Variants in PROS1 observed in about 807,000 individuals in gnomAD.
PROS1 encodes the protein vitamin K-dependent protein S.
PROS1 carries 29 observed loss-of-function variants against 75.9 expected under a neutral mutation model. The observed-to-expected ratio is 0.38, with a 90% CI of 0.28 to 0.52. The LOEUF (loss-of-function observed/expected upper bound fraction) is 0.52, where lower values mean the gene tolerates loss of function less well. Among genes scored for constraint, PROS1 ranks in the 20% least tolerant of loss-of-function variants. The pLI is 0.83. For missense variants in PROS1, 680 were observed against 810.3 expected (o/e 0.84, Z 1.95); for synonymous variants, 245 against 280.6 (o/e 0.87, Z 1.27).
At chr3:93,909,033 G>A (rs1481335751) in intron 4 of PROS1, among the ~76,000 whole-genome samples, 2 of 152,050 alleles carry the variant, frequency 1.3e-5, no homozygotes, top group African/African-American at 4.8e-5. Context: ...GTTAATGGAT[G>A]GAAAAGTAAA....
intron 1 of PROS1, among the ~76,000 whole-genome samples, chr3:93,935,362 C>T (rs8178605): frequency 3.3e-3 from 502 of 152,276 alleles, no homozygotes; most frequent in African/African-American, 0.012. Context: ...CCCAAAACAT[C>T]ATTTGATTTT....
At chr3:93,941,205 A>G (rs1709282471) in intron 1 of PROS1, among the ~76,000 whole-genome samples, 1 of 152,214 alleles carries the variant, frequency 6.6e-6, no homozygotes, top group Middle Eastern at 3.4e-3. Flanking sequence ...CTTATTCAAT[A>G]TGTTGATGAC....
At chr3:93,896,854 C>T (rs1176535708) in intron 8 of PROS1, among the ~76,000 whole-genome samples, 163 bp from the exon 9 acceptor site, 1 of 152,048 alleles carries the variant, frequency 6.6e-6, no homozygotes, top group Admixed American at 6.6e-5. Context: ...ACATATCTTC[C>T]ATTTCCTTGT....
chr3:93,973,657 C>T lies in PROS1; in HGVS notation c.76+17G>A, dbSNP rs1559956104. On this transcript the variant is annotated intron_variant, in intron 1 of 14. Transcript: ENST00000394236. ...ACAATGCTGGGGAAGGGAGAAGAGA[C>T]GCTATTGATTACTCACAGTTTGCCT... 1.9e-6 allele frequency: 3 copies of T among 1,612,260 alleles called. No individual in the cohort carries two copies. Among genetic ancestry groups the T allele is most frequent in the Non-Finnish European group, 2.5e-6 (3 of 1,178,692 alleles).
chr3:93,938,027 T>A (rs973066896), intron 1 of PROS1, among the ~76,000 whole-genome samples: 2 of 152,084 alleles, frequency 1.3e-5, no homozygotes, highest in African/African-American at 2.4e-5. Context: ...CACCAATAGT[T>A]TCCCCATCCC....
At chr3:93,883,333 C>T (rs1708299037) in intron 12 of PROS1, among the ~76,000 whole-genome samples, 2 of 152,172 alleles carry the variant, frequency 1.3e-5, no homozygotes, top group South Asian at 4.1e-4. Context: ...GGCACGGTGG[C>T]TCAAGCCTGT....
chr3:93,966,308 G>A (rs1356693253), intron 1 of PROS1, among the ~76,000 whole-genome samples: 1 of 152,164 alleles, frequency 6.6e-6, no homozygotes, highest in Non-Finnish European at 1.5e-5. Context: ...TAGATCACAG[G>A]CTTAGGGACG....
rs371312357 is a variant in PROS1, at chr3:93,884,843, T to C, written c.1377A>G (p.Gly459=). 174 of 1,613,138 alleles carry C rather than the reference T, an allele frequency of 1.1e-4. No individual in the cohort carries two copies. The highest frequency in any genetic ancestry group is 5.0e-5 in the Admixed American group (3 of 59,920). Reference sequence around the variant, plus strand: ...GAATAATTTCCTTTATTCCAGAAGCTCCTTGCTTCATCAAATTCCAGCTTC... The same window carrying C: ...GAATAATTTCCTTTATTCCAGAAGCCCCTTGCTTCATCAAATTCCAGCTTC... ...CIRSWNLMKQ[G]ASGIKEIIQE... is the part of the protein sequence containing the mutation. The change falls in exon 12 of 15, where the codon GGA becomes GGG. Residue 459 remains glycine, a synonymous_variant. Transcript: ENST00000394236.
intron 1 of PROS1, among the ~76,000 whole-genome samples, chr3:93,950,224 C>T (rs1325631398): frequency 2.6e-5 from 4 of 152,168 alleles, no homozygotes; most frequent in Admixed American, 1.3e-4. Context: ...ATCAAGGAGG[C>T]CTGCCTGTCT....
intron 1 of PROS1, among the ~76,000 whole-genome samples, chr3:93,927,938 T>G (rs1194606159): frequency 7.1e-6 from 1 of 140,752 alleles, no homozygotes; most frequent in Non-Finnish European, 1.5e-5. Context: ...TATATATATA[T>G]GTATATATAT....
At chr3:93,956,549 C>A (rs1179068041) in intron 1 of PROS1, among the ~76,000 whole-genome samples, 69 of 78,718 alleles carry the variant, frequency 8.8e-4, no homozygotes, top group African/African-American at 2.1e-3. Flanking sequence ...CACACACACA[C>A]ACACACACAC....
At chr3:93,902,187 T>C (rs1159977558) in intron 6 of PROS1, among the ~76,000 whole-genome samples, 1 of 151,764 alleles carries the variant, frequency 6.6e-6, no homozygotes, top group African/African-American at 2.4e-5. Context: ...TGTGTTCTTG[T>C]TACTAAGGAG....
chr3:93,909,152 G>T (rs940580274), intron 4 of PROS1, among the ~76,000 whole-genome samples: 17 of 152,108 alleles, frequency 1.1e-4, no homozygotes, highest in African/African-American at 3.9e-4. Flanking sequence ...GAAGTACAAA[G>T]TAGGGCCTGG....
intron 9 of PROS1, among the ~76,000 whole-genome samples, chr3:93,895,270 A>T (rs1708487013): frequency 6.6e-6 from 1 of 152,186 alleles, no homozygotes; most frequent in African/African-American, 2.4e-5. Flanking sequence ...GATTTGGAGG[A>T]TCAATTGTAT....
chr3:93,927,227 T>A (rs770524994), intron 2 of PROS1, 23 bp downstream of exon 2: 2 of 1,612,054 alleles, frequency 1.2e-6, no homozygotes, highest in Non-Finnish European at 1.7e-6. Context: ...TGTGTGAACT[T>A]GATAGTTTCC....
intron 1 of PROS1, among the ~76,000 whole-genome samples, chr3:93,941,283 C>T (rs1709283832): frequency 6.6e-6 from 1 of 152,146 alleles, no homozygotes. Context: ...CATTTATTCT[C>T]CATGGGATAT....
At position 93,896,650 on chromosome 3, in the gene PROS1, A is replaced by G; in HGVS notation, c.891T>C (p.Tyr297=). 2 of 1,613,820 alleles carry G rather than the reference A, an allele frequency of 1.2e-6. No homozygotes were observed. The highest frequency in any genetic ancestry group is 2.2e-5 in the South Asian group (2 of 91,080). ...VCLPLNLDTK[Y]ELLYLAEQFA... ...ACTGCTCCGCCAAGTAAAGTAATTC[A>G]TACTTTGTGTCAAGGTTCAAGGGAA... Residue 297 remains tyrosine (Y), a synonymous_variant, in exon 9 of 15, where the codon TAT becomes TAC. Coordinates refer to ENST00000394236, the MANE Select transcript of PROS1 (RefSeq NM_000313.4).
intron 1 of PROS1, among the ~76,000 whole-genome samples, chr3:93,953,966 A>G (rs564474051): frequency 3.9e-5 from 6 of 152,308 alleles, no homozygotes; most frequent in African/African-American, 1.4e-4. Flanking sequence ...GTGAACTCCC[A>G]TTCACAATTG....
chr3:93,930,064 A>T (rs1430654923), intron 1 of PROS1, among the ~76,000 whole-genome samples: 1 of 152,218 alleles, frequency 6.6e-6, no homozygotes, highest in East Asian at 1.9e-4. Context: ...GAGTGAAGTA[A>T]TATTACTTTA....
Sources: gnomAD v4.1 joint callset for allele counts (sites outside exome capture counted in the v4.1 genomes callset) on GRCh38, gnomAD v4.1.1 for gene constraint, MANE v1.5 for transcripts, NCBI Gene and HGNC (gene_info 2026-07-23, HGNC 2026-07-21) for gene names.